Variants in MAP3K5 observed in about 807,000 individuals in gnomAD.
MAP3K5 encodes ASK-1.
In MAP3K5, 56 loss-of-function variants were observed where a neutral mutation model predicts 158.7. The observed-to-expected ratio is 0.35, with a 90% CI of 0.28 to 0.44. The LOEUF is 0.44. MAP3K5 is among the 20% of genes least tolerant of loss of function. The pLI is 1.00. For missense variants in MAP3K5, 1,294 were observed against 1,674.8 expected, an observed-to-expected ratio of 0.77 and a Z score of 3.97; for synonymous variants, 579 against 601.7, an observed-to-expected ratio of 0.96 and a Z score of 0.55.
At chr6:136,590,037 A>G (rs1775315410) in intron 23 of MAP3K5, among the ~76,000 whole-genome samples, 1 of 152,206 alleles carries the variant, frequency 6.6e-6, no homozygotes, top group Non-Finnish European at 1.5e-5. Context: ...TGAAGGGATT[A>G]ATGCAGTTAA....
intron 14 of MAP3K5, among the ~76,000 whole-genome samples, chr6:136,628,726 G>A (rs1777164682): frequency 6.6e-6 from 1 of 152,120 alleles, no homozygotes; most frequent in Admixed American, 6.5e-5. Flanking sequence ...AAACAAAATG[G>A]TGATAGTAAA....
chr6:136,778,152 T>C (rs1285477712), intron 1 of MAP3K5, among the ~76,000 whole-genome samples: 1 of 152,192 alleles, frequency 6.6e-6, no homozygotes, highest in Non-Finnish European at 1.5e-5. Flanking sequence ...CTCTTGGAAG[T>C]AAATTTAATA....
intron 14 of MAP3K5, among the ~76,000 whole-genome samples, chr6:136,625,336 T>C (rs929876710): frequency 6.6e-6 from 1 of 152,216 alleles, no homozygotes; most frequent in Non-Finnish European, 1.5e-5. Context: ...CCTGGGGCTA[T>C]AGTTTGCTGA....
chr6:136,640,459 C>A (rs185435893), intron 12 of MAP3K5, among the ~76,000 whole-genome samples: 1 of 152,140 alleles, frequency 6.6e-6, no homozygotes, highest in Non-Finnish European at 1.5e-5. Context: ...GAATGCATGT[C>A]GTTTTTTACT....
rs11138 is a variant in MAP3K5 at position 136,557,296 on chromosome 6, A to C, written c.*462T>G. The stretch of plus-strand genomic sequence containing the variant: ...TAAAAAAACATAAACTTTATACAGT[A>C]ATTGAAATTACGCATTTCTACTCAG... On this transcript the variant is annotated 3_prime_UTR_variant, in exon 30 of 30. Transcript: ENST00000359015. The C allele has an allele frequency of 5.2e-3, 800 of 154,342 alleles. No individual in the cohort carries two copies. Among genetic ancestry groups the C allele is most frequent in the Middle Eastern group, 0.026 (8 of 302 alleles). 9.6% of individuals were successfully genotyped at this position (154,342 alleles called of 1,614,324 possible). A position where few individuals can be genotyped will look rare whatever the true frequency, so the allele number is the denominator to read the frequency against.
chr6:136,759,761 A>AT (rs11317822), intron 1 of MAP3K5, among the ~76,000 whole-genome samples: 68 of 99,886 alleles, frequency 6.8e-4, no homozygotes, highest in East Asian at 2.9e-3. Flanking sequence ...CCAGCCCTCT[A>AT]TTTTTTTTTT....
At chr6:136,771,575 A>T (rs1784200849) in intron 1 of MAP3K5, among the ~76,000 whole-genome samples, 1 of 152,190 alleles carries the variant, frequency 6.6e-6, no homozygotes, top group African/African-American at 2.4e-5. Flanking sequence ...ATCTGCATGC[A>T]ATTAAAAGTA....
intron 12 of MAP3K5, among the ~76,000 whole-genome samples, chr6:136,639,931 A>C (rs957770452): frequency 1.3e-5 from 2 of 152,208 alleles, no homozygotes; most frequent in Non-Finnish European, 2.9e-5. Flanking sequence ...TGTCCTGCCT[A>C]CTACACTATT....
At chr6:136,634,653 CA>C (rs1371735334) in intron 14 of MAP3K5, among the ~76,000 whole-genome samples, 1 of 151,830 alleles carries the variant, frequency 6.6e-6, no homozygotes, top group Non-Finnish European at 1.5e-5. Context: ...GATCTCGGCT[CA>C]CTGCAACCTC....
chr6:136,636,683 C>G, intron 14 of MAP3K5: 1 of 284,838 alleles, frequency 3.5e-6, no homozygotes, highest in Non-Finnish European at 5.3e-6. Context: ...TGGCTCACGC[C>G]TGTAATTCTA....
At chr6:136,756,720 A>T (rs1261641397) in intron 1 of MAP3K5, among the ~76,000 whole-genome samples, 2 of 152,256 alleles carry the variant, frequency 1.3e-5, no homozygotes, top group Admixed American at 6.5e-5. Flanking sequence ...GGCCCTGCCG[A>T]TTCATCACAA....
At chr6:136,660,227 C>T (rs548225800) in intron 8 of MAP3K5, among the ~76,000 whole-genome samples, 1 of 152,038 alleles carries the variant, frequency 6.6e-6, no homozygotes, top group African/African-American at 2.4e-5. Flanking sequence ...TAACTTTAGA[C>T]ACAAAAATTA....
At chr6:136,709,748 C>T (rs1781230265) in intron 2 of MAP3K5, among the ~76,000 whole-genome samples, 1 of 152,180 alleles carries the variant, frequency 6.6e-6, no homozygotes, top group Non-Finnish European at 1.5e-5. Flanking sequence ...TTAGATTATG[C>T]TTGCAGATTG....
Position 136,791,929 on chromosome 6 carries a change from T to C in MAP3K5, c.229A>G (p.Thr77Ala), listed in dbSNP as rs1460267868. 1.2e-6 allele frequency: 2 copies of C among 1,612,356 alleles called. No homozygotes were observed. Among genetic ancestry groups the C allele is most frequent in the South Asian group, 1.1e-5 (1 of 91,004 alleles). The change falls in exon 1 of 30, where the codon ACC becomes GCC. Residue 77 changes from threonine (T) to alanine (A), a missense_variant. Thr to Ala is a moderately conservative substitution (Grantham distance 58). Transcript: ENST00000359015. ...CPAATSSSSATRGRGSSVGGG... is the reference protein window; with the variant it reads ...CPAATSSSSAARGRGSSVGGG... ...CCAACAGAGCTGCCCCGGCCTCGGG[T>C]GGCACTGCTCGAGGAGGTGGCCGCC... is the stretch of plus-strand genomic sequence containing the variant.
chr6:136,678,022 T>C (rs1341757149), intron 7 of MAP3K5, among the ~76,000 whole-genome samples: 1 of 152,212 alleles, frequency 6.6e-6, no homozygotes, highest in Non-Finnish European at 1.5e-5. Flanking sequence ...AGTGTGGAAG[T>C]GGTCAAGCAG....
At chr6:136,596,692 A>C (rs1775647547) in intron 21 of MAP3K5, among the ~76,000 whole-genome samples, 1 of 152,146 alleles carries the variant, frequency 6.6e-6, no homozygotes, top group Non-Finnish European at 1.5e-5. Flanking sequence ...TGTTTTCTCT[A>C]TTGTAAGGGG....
intron 26 of MAP3K5, among the ~76,000 whole-genome samples, chr6:136,566,800 GC>G (rs1486118411): frequency 1.3e-5 from 2 of 152,130 alleles, no homozygotes; most frequent in African/African-American, 4.8e-5. Context: ...TGGTATACAA[GC>G]TTGCCTTTAA....
chr6:136,571,276 C>A (rs550259721), intron 25 of MAP3K5, among the ~76,000 whole-genome samples: 22 of 152,278 alleles, frequency 1.4e-4, no homozygotes, highest in African/African-American at 5.1e-4. Flanking sequence ...TGTCCGTGTA[C>A]CTTATTCTTC....
intron 8 of MAP3K5, among the ~76,000 whole-genome samples, chr6:136,663,142 C>G (rs1017037099): frequency 2.2e-5 from 3 of 134,658 alleles, no homozygotes; most frequent in African/African-American, 8.6e-5. Flanking sequence ...GAGATTATCT[C>G]CCTTTTGTAG....
Sources: gnomAD v4.1 joint callset for allele counts (sites outside exome capture counted in the v4.1 genomes callset) on GRCh38, gnomAD v4.1.1 for gene constraint, MANE v1.5 for transcripts, NCBI Gene and HGNC (gene_info 2026-07-23, HGNC 2026-07-21) for gene names.